Variants in SHQ1 observed in about 807,000 individuals in gnomAD.
The protein encoded by SHQ1 is SHQ1, H/ACA ribonucleoprotein assembly factor.
SHQ1 carries 49 observed loss-of-function variants against 53.8 expected under a neutral mutation model. The ratio of observed to expected loss-of-function variants is 0.91; its 90% CI spans 0.72 to 1.16. SHQ1 has a LOEUF of 1.16. SHQ1 is among the 50% of genes most tolerant of loss of function. The pLI, the probability that SHQ1 is intolerant of heterozygous loss-of-function variation, is 0.00. For missense variants in SHQ1, 738 were observed against 683.1 expected, an observed-to-expected ratio of 1.08 and a Z score of -0.90; for synonymous variants, 243 against 251.0, an observed-to-expected ratio of 0.97 and a Z score of 0.30.
At chr3:72,812,866 G>A in intron 8 of SHQ1, 72 bp from the exon 9 acceptor site, 1 of 1,568,432 alleles carries the variant, frequency 6.4e-7, no homozygotes, top group Non-Finnish European at 8.7e-7. Context: ...CAATGAAATA[G>A]GAAGCTTTTC....
the SHQ1 span, among the ~76,000 whole-genome samples, chr3:72,737,372 C>A: frequency 6.6e-6 from 1 of 151,958 alleles, no homozygotes. Context: ...GAGGCAGGAA[C>A]CCTCTGAAGG....
chr3:72,762,565 C>A (rs949371557), intron 10 of SHQ1, among the ~76,000 whole-genome samples: 5 of 152,184 alleles, frequency 3.3e-5, no homozygotes, highest in African/African-American at 1.2e-4. Flanking sequence ...GAATTGTATA[C>A]CTCACTTGAA....
At chr3:72,838,562 C>T (rs959070391) in intron 4 of SHQ1, among the ~76,000 whole-genome samples, 8 of 152,150 alleles carry the variant, frequency 5.3e-5, no homozygotes, top group Admixed American at 1.3e-4. Flanking sequence ...AGTGCAGTGG[C>T]GCAATCTCGG....
rs577065478 is a variant in SHQ1, at chr3:72,838,575, C to T, written c.486+2470G>A. On this transcript the variant is annotated intron_variant, in intron 4 of 10. Coordinates refer to ENST00000325599, the MANE Select transcript of SHQ1 (RefSeq NM_018130.3). ...GGAGTGCAGTGGCGCAATCTCGGCT[C>T]CCTGCAACCTCTGCCTCCTGGGTTC... Among the ~76,000 whole-genome samples, 80 of 152,336 alleles carry T rather than the reference C, an allele frequency of 5.3e-4. 1 individual carries two copies. In the South Asian group the frequency reaches 0.013, roughly 25 times the overall value.
At chr3:72,731,950 C>T in the SHQ1 span, among the ~76,000 whole-genome samples, 2 of 151,550 alleles carry the variant, frequency 1.3e-5, no homozygotes, top group East Asian at 3.9e-4. Flanking sequence ...CAGAAAGGCC[C>T]TTCTTCCCTG....
At chr3:72,812,632 T>C (rs945131659) in intron 9 of SHQ1, 39 bp downstream of exon 9, 1 of 1,606,366 alleles carries the variant, frequency 6.2e-7, no homozygotes, top group Non-Finnish European at 8.5e-7. Flanking sequence ...AACTTACAAC[T>C]TTTTCCCTCC....
intron 4 of SHQ1, 128 bp downstream of exon 4, chr3:72,840,916 TA>T: frequency 9.3e-7 from 1 of 1,077,414 alleles, no homozygotes; most frequent in Non-Finnish European, 1.3e-6. Flanking sequence ...TTAGCTGTGC[TA>T]AGTGCTTTAA....
chr3:72,846,727 C>T (rs1047586622), intron 1 of SHQ1, among the ~76,000 whole-genome samples: 3 of 152,182 alleles, frequency 2.0e-5, no homozygotes, highest in Admixed American at 6.5e-5. Flanking sequence ...AGAAGTGACA[C>T]AGGAATTAGA....
At chr3:72,844,617 ATCTT>A (rs1708275982) in intron 1 of SHQ1, among the ~76,000 whole-genome samples, 194 bp from the exon 2 acceptor site, 1 of 152,256 alleles carries the variant, frequency 6.6e-6, no homozygotes, top group South Asian at 2.1e-4. Flanking sequence ...GAGATGACTC[ATCTT>A]TCTATTTGAA....
chr3:72,846,140 T>C, intron 1 of SHQ1: 1 of 1,404,050 alleles, frequency 7.1e-7, no homozygotes, highest in Non-Finnish European at 9.7e-7. Context: ...TGAGCTATTA[T>C]TACCAGCTCC....
At chr3:72,774,747 A>G (rs923534185) in intron 10 of SHQ1, among the ~76,000 whole-genome samples, 1 of 152,240 alleles carries the variant, frequency 6.6e-6, no homozygotes, top group Non-Finnish European at 1.5e-5. Context: ...CAAACTTCCA[A>G]AATGTAGAAG....
intron 4 of SHQ1, among the ~76,000 whole-genome samples, chr3:72,839,096 C>T (rs1363214345): frequency 6.6e-6 from 1 of 152,112 alleles, no homozygotes; most frequent in African/African-American, 2.4e-5. Context: ...AAGGATTTTC[C>T]GTAAACAGAA....
intron 4 of SHQ1, among the ~76,000 whole-genome samples, chr3:72,840,696 T>G (rs941693124): frequency 1.1e-4 from 17 of 152,202 alleles, no homozygotes; most frequent in African/African-American, 3.1e-4. Flanking sequence ...AGAGACATCA[T>G]GCCGTAAGTA....
At position 72,825,628 on chromosome 3, in the gene SHQ1, T is replaced by G. The variant is rs370462433; in HGVS notation, c.600-1077A>C. On this transcript the variant is annotated intron_variant, in intron 5 of 10. Coordinates refer to ENST00000325599, the MANE Select transcript of SHQ1 (RefSeq NM_018130.3). ...CACTTATTCAGAAATGATTCTATCT[T>G]GCATTCAAAGTTGGAAATTGGTATT... Among the ~76,000 whole-genome samples the G allele has an allele frequency of 1.4e-4, 22 of 152,294 alleles. No individual in the cohort carries two copies. In the East Asian group the frequency reaches 3.1e-3, roughly 21 times the overall value.
At chr3:72,802,307 G>T (rs1467069106) in intron 9 of SHQ1, among the ~76,000 whole-genome samples, 1 of 152,172 alleles carries the variant, frequency 6.6e-6, no homozygotes, top group Non-Finnish European at 1.5e-5. Context: ...GTCTAGGCAA[G>T]AATAGGTCTC....
At chr3:72,728,688 A>C in the SHQ1 span, among the ~76,000 whole-genome samples, 1 of 152,168 alleles carries the variant, frequency 6.6e-6, no homozygotes, top group Non-Finnish European at 1.5e-5. Flanking sequence ...ACCTGTCTGG[A>C]GCTTCCATTG....
At chr3:72,785,801 C>T (rs1341463613) in intron 10 of SHQ1, among the ~76,000 whole-genome samples, 1 of 152,212 alleles carries the variant, frequency 6.6e-6, no homozygotes, top group Non-Finnish European at 1.5e-5. Context: ...ATAGGTAACA[C>T]AGTACCATGT....
intron 10 of SHQ1, among the ~76,000 whole-genome samples, chr3:72,783,458 G>C (rs1307480034): frequency 6.7e-6 from 1 of 149,784 alleles, no homozygotes; most frequent in African/African-American, 2.5e-5. Flanking sequence ...TTGAACTCCT[G>C]GGTTCAAGCA....
intron 10 of SHQ1, among the ~76,000 whole-genome samples, chr3:72,757,361 G>A (rs1279653472): frequency 3.3e-5 from 5 of 150,000 alleles, no homozygotes; most frequent in Non-Finnish European, 7.4e-5. Context: ...CCAAACAGTA[G>A]ATCAAATTTC....
Sources: gnomAD v4.1 joint callset for allele counts (sites outside exome capture counted in the v4.1 genomes callset) on GRCh38, gnomAD v4.1.1 for gene constraint, MANE v1.5 for transcripts, NCBI Gene and HGNC (gene_info 2026-07-23, HGNC 2026-07-21) for gene names.